Variants in MTR observed in about 807,000 individuals in gnomAD.
MTR encodes the protein methionine synthase.
A neutral mutation model predicts 154.8 loss-of-function variants in MTR; 84 were observed. The observed-to-expected ratio is 0.54, with a 90% confidence interval of 0.45 to 0.65. The LOEUF is 0.65. Among genes scored for constraint, MTR ranks in the 30% least tolerant of loss-of-function variants. MTR has a pLI of 0.00. For synonymous variants in MTR, 554 were observed against 553.9 expected, an observed-to-expected ratio of 1.00 and a Z score of 0.00; for missense variants, 1,275 against 1,570.2, an observed-to-expected ratio of 0.81 and a Z score of 3.18.
At position 236,882,953 on chromosome 1, in the gene MTR, C is replaced by T. The variant is rs565497437; in HGVS notation, c.2676+2117C>T. On this transcript the variant is annotated intron_variant, in intron 25 of 32. Coordinates refer to ENST00000366577, the MANE Select transcript of MTR (RefSeq NM_000254.3). ...TCAGTTGGTTGTGGGCTCATTGGCT[C>T]AGGCTCTTTTGATCTAACTGAAATG... is the stretch of plus-strand genomic sequence containing the variant. 1.4e-4 allele frequency among the ~76,000 whole-genome samples: 21 copies of T among 152,332 alleles called. No homozygotes were observed. The East Asian group carries it at 3.1e-3, about 22-fold the overall frequency.
At chr1:236,820,544 G>A (rs1661870411) in intron 8 of MTR, 13 of 655,938 alleles carry the variant, frequency 2.0e-5, no homozygotes, top group Non-Finnish European at 3.5e-5. Flanking sequence ...GGGCTGTTAA[G>A]TAACATGGAA....
chr1:236,845,534 C>T (rs1663517763), intron 15 of MTR, among the ~76,000 whole-genome samples: 1 of 152,114 alleles, frequency 6.6e-6, no homozygotes, highest in Non-Finnish European at 1.5e-5. Context: ...AGTTCATAAT[C>T]TTATTTCTGG....
Position 236,885,171 on chromosome 1 carries a change from C to A in MTR, c.2727C>A (p.Ile909=), listed in dbSNP as rs781725131. Residue 909 remains isoleucine, a synonymous_variant, in exon 26 of 33, where the codon ATC becomes ATA. Transcript: ENST00000366577. ...ENLKDEYFEE[I]MEEYEDIRQD... Reference sequence around the variant, plus strand: ...TAAAGGATGAATACTTTGAGGAAATCATGGAAGAATATGAAGATATTAGAC... The same window carrying A: ...TAAAGGATGAATACTTTGAGGAAATAATGGAAGAATATGAAGATATTAGAC... 3.1e-6 allele frequency: 5 copies of A among 1,610,432 alleles called. No individual in the cohort carries two copies. In the South Asian group the frequency reaches 5.5e-5, roughly 18 times the overall value.
intron 11 of MTR, among the ~76,000 whole-genome samples, chr1:236,827,282 A>G (rs1033774414): frequency 6.6e-6 from 1 of 152,218 alleles, no homozygotes; most frequent in Admixed American, 6.5e-5. Flanking sequence ...ATTGTGAGAA[A>G]ATACATTTCT....
intron 16 of MTR, among the ~76,000 whole-genome samples, chr1:236,852,033 T>A (rs1206208354): frequency 6.6e-6 from 1 of 152,204 alleles, no homozygotes; most frequent in Non-Finnish European, 1.5e-5. Flanking sequence ...AATGACAAAC[T>A]GTCTCCCTAG....
At chr1:236,880,379 A>G (rs370284682) in intron 24 of MTR, among the ~76,000 whole-genome samples, 4 of 152,150 alleles carry the variant, frequency 2.6e-5, no homozygotes, top group African/African-American at 9.6e-5. Flanking sequence ...CTGCTGTCCC[A>G]GCTCATTTGG....
chr1:236,803,485 T>C lies in MTR; in HGVS notation c.92T>C (p.Met31Thr). The change falls in exon 2 of 33, where the codon ATG (methionine) becomes ACG (threonine). Residue 31 changes from methionine to threonine, a missense_variant. Met to Thr is a moderately conservative substitution (Grantham distance 81, BLOSUM62 -1). Coordinates refer to ENST00000366577, the MANE Select transcript of MTR (RefSeq NM_000254.3). ...EINAILQKRI[M>T]VLDGGMGTMI... ...AATGCCATTCTGCAGAAGAGGATTA[T>C]GGTGCTGGATGGAGGGATGGGGACC... The C allele has an allele frequency of 6.2e-7, 1 of 1,614,174 alleles. No homozygotes were observed. Among genetic ancestry groups the C allele is most frequent in the Non-Finnish European group, 8.5e-7 (1 of 1,180,012 alleles).
At chr1:236,803,795 T>C (rs1660824728) in intron 2 of MTR, among the ~76,000 whole-genome samples, 153 bp downstream of exon 2, 1 of 152,234 alleles carries the variant, frequency 6.6e-6, no homozygotes, top group Non-Finnish European at 1.5e-5. Context: ...AAATAAAAGT[T>C]ATGTACTGTG....
In MTR at chr1:236,894,446, C is replaced by T. The variant is rs1295391733; in HGVS notation, c.3294C>T (p.Gly1098=). ...ATTCTGGCATCCGTGACTACCTGGG[C>T]CTGTTTGCCGTTGCCTGCTTTGGGG... The part of the protein sequence containing the change: ...PLHSGIRDYL[G]LFAVACFGVE... Residue 1098 remains glycine (G), a synonymous_variant, in exon 30 of 33, where the codon GGC becomes GGT. Transcript: ENST00000366577. 3.1e-6 allele frequency: 5 copies of T among 1,614,080 alleles called. No homozygotes were observed. The highest frequency in any genetic ancestry group is 4.2e-6 in the Non-Finnish European group (5 of 1,180,050).
chr1:236,878,144 T>G (rs1558332373), intron 24 of MTR, among the ~76,000 whole-genome samples: 1 of 152,216 alleles, frequency 6.6e-6, no homozygotes, highest in Non-Finnish European at 1.5e-5. Context: ...TTTTGCTATC[T>G]TAGTGCTGTC....
chr1:236,842,431 T>C (rs1663308726), intron 15 of MTR, among the ~76,000 whole-genome samples: 1 of 152,140 alleles, frequency 6.6e-6, no homozygotes, highest in Admixed American at 6.5e-5. Context: ...TTTGGACAGG[T>C]TGCCTAATTT....
intron 16 of MTR, 56 bp from the exon 17 acceptor site, chr1:236,852,465 G>A: frequency 3.2e-6 from 4 of 1,250,628 alleles, no homozygotes; most frequent in Non-Finnish European, 4.7e-6. Context: ...TAAGAGATGT[G>A]ATTGCTGTTT....
chr1:236,871,100 C>T (rs530288498), intron 22 of MTR, among the ~76,000 whole-genome samples: 1 of 152,322 alleles, frequency 6.6e-6, no homozygotes, highest in South Asian at 2.1e-4. Context: ...AGTGATTTCT[C>T]TCTTCGCTCA....
chr1:236,818,853 T>C (rs570517474), intron 8 of MTR, among the ~76,000 whole-genome samples: 1 of 152,266 alleles, frequency 6.6e-6, no homozygotes, highest in South Asian at 2.1e-4. Flanking sequence ...CTAGGAGAAA[T>C]GCATAAGTGA....
chr1:236,856,786 G>A (rs1004365179), intron 18 of MTR, among the ~76,000 whole-genome samples: 8 of 152,008 alleles, frequency 5.3e-5, no homozygotes, highest in Non-Finnish European at 8.8e-5. Context: ...GCAGTGTTTC[G>A]TTTTCTGTTC....
At chr1:236,795,840 G>A in intron 1 of MTR, 103 bp downstream of exon 1, 2 of 1,566,444 alleles carry the variant, frequency 1.3e-6, no homozygotes, top group Non-Finnish European at 1.7e-6. Context: ...GAGACGCCCG[G>A]CGGTGTTTCC....
chr1:236,810,481 A>G (rs759486543), intron 4 of MTR, 22 bp from the exon 5 acceptor site: 7 of 1,599,376 alleles, frequency 4.4e-6, no homozygotes, highest in Middle Eastern at 1.7e-4. Context: ...GAGATCTCAC[A>G]CTTGTTTTTC....
At chr1:236,869,101 CTTAG>C (rs983325610) in intron 22 of MTR, among the ~76,000 whole-genome samples, 1 of 152,156 alleles carries the variant, frequency 6.6e-6, no homozygotes, top group African/African-American at 2.4e-5. Context: ...AGGCTGCCAC[CTTAG>C]TTAACTGAGA....
intron 32 of MTR, among the ~76,000 whole-genome samples, 192 bp downstream of exon 32, chr1:236,897,310 G>GCGCGCACGCACACACACACA: frequency 2.4e-4 from 31 of 128,612 alleles, no homozygotes; most frequent in Non-Finnish European, 3.4e-4. Flanking sequence ...CCACACACAC[G>GCGCGCACGCACACACACACA]CACACACACA....
Sources: gnomAD v4.1 joint callset for allele counts (sites outside exome capture counted in the v4.1 genomes callset) on GRCh38, gnomAD v4.1.1 for gene constraint, MANE v1.5 for transcripts, NCBI Gene and HGNC (gene_info 2026-07-23, HGNC 2026-07-21) for gene names.